The following EFNA5 variants were observed in gnomAD, a reference collection of about 807,000 sequenced individuals.
EFNA5 encodes ephrin A5, also known as ephrin-A5.
Under a neutral mutation model 22.9 loss-of-function variants are expected in EFNA5, and 5 were observed. That is an observed-to-expected ratio of 0.22 (90% CI 0.11 to 0.46). The LOEUF is 0.46. Ranked by LOEUF, EFNA5 falls within the 20% of genes least tolerant of loss-of-function variation. EFNA5 has a pLI of 0.99. For synonymous variants in EFNA5, 113 were observed against 112.2 expected (o/e 1.01, Z -0.04); for missense variants, 237 against 293.3 (o/e 0.81, Z 1.40).
rs1003979006 is a variant in EFNA5, at chr5:107,379,601, T to C, written c.*1654A>G. 6.0e-5 allele frequency: 9 copies of C among 150,984 alleles called. No individual in the cohort carries two copies. The highest frequency in any genetic ancestry group is 2.6e-4 in the Admixed American group (4 of 15,188). 9.4% of individuals were successfully genotyped at this position (150,984 alleles called of 1,614,324 possible). A position where few individuals can be genotyped will look rare whatever the true frequency, so the allele number is the denominator to read the frequency against. ...TGCTTTTCAATTGGTCTAACACTTT[T>C]CCTTGTCTAGGCTTTGGATTTTAAA... On this transcript the variant is annotated 3_prime_UTR_variant, in exon 5 of 5. Transcript: ENST00000333274.
chr5:107,649,049 C>A (rs1462900852), intron 1 of EFNA5, among the ~76,000 whole-genome samples: 2 of 152,116 alleles, frequency 1.3e-5, no homozygotes, highest in African/African-American at 2.4e-5. Flanking sequence ...GATGAGGAAA[C>A]ACGACTTGAC....
chr5:107,421,854 C>T (rs1370415029), intron 2 of EFNA5, among the ~76,000 whole-genome samples: 1 of 151,006 alleles, frequency 6.6e-6, no homozygotes, highest in East Asian at 1.9e-4. Flanking sequence ...TGCAATGGAG[C>T]GATCCCAGCT....
intron 1 of EFNA5, among the ~76,000 whole-genome samples, chr5:107,466,562 C>T (rs754728308): frequency 2.4e-4 from 36 of 152,206 alleles, no homozygotes; most frequent in Admixed American, 6.5e-4. Flanking sequence ...AGCTGTGCGG[C>T]ATGAGGAATG....
intron 1 of EFNA5, among the ~76,000 whole-genome samples, chr5:107,527,782 A>G (rs1390609596): frequency 6.6e-6 from 1 of 152,176 alleles, no homozygotes; most frequent in Non-Finnish European, 1.5e-5. Flanking sequence ...ATAACCTCAT[A>G]TAACAGATAG....
At chr5:107,637,157 A>G (rs1750389347) in intron 1 of EFNA5, among the ~76,000 whole-genome samples, 1 of 152,224 alleles carries the variant, frequency 6.6e-6, no homozygotes, top group African/African-American at 2.4e-5. Flanking sequence ...TGAGTTCATT[A>G]TTGGTCACTT....
chr5:107,622,313 C>T (rs1275317915), intron 1 of EFNA5, among the ~76,000 whole-genome samples: 2 of 152,292 alleles, frequency 1.3e-5, no homozygotes, highest in African/African-American at 4.8e-5. Context: ...CACAGAATCA[C>T]CCACGAAGCT....
intron 1 of EFNA5, among the ~76,000 whole-genome samples, chr5:107,504,408 A>C (rs1747207075): frequency 1.3e-5 from 2 of 152,216 alleles, no homozygotes; most frequent in South Asian, 4.1e-4. Flanking sequence ...TATATAAAAA[A>C]GAACTAGATG....
chr5:107,428,854 C>T (rs751276579), intron 1 of EFNA5, among the ~76,000 whole-genome samples: 2 of 152,218 alleles, frequency 1.3e-5, no homozygotes, highest in African/African-American at 2.4e-5. Context: ...AGTGATCCTA[C>T]TTCTGCTGCC....
intron 1 of EFNA5, among the ~76,000 whole-genome samples, chr5:107,627,124 TC>T (rs1440988833): frequency 1.3e-5 from 2 of 152,246 alleles, no homozygotes; most frequent in Non-Finnish European, 2.9e-5. Context: ...GTGATTTATT[TC>T]CATTTTGAAT....
At chr5:107,424,404 G>A (rs1748755627) in intron 2 of EFNA5, among the ~76,000 whole-genome samples, 1 of 148,252 alleles carries the variant, frequency 6.7e-6, no homozygotes, top group South Asian at 2.1e-4. Context: ...TTTTAGTAGC[G>A]ATGGGGTTTC....
At chr5:107,466,752 G>A (rs542118244) in intron 1 of EFNA5, among the ~76,000 whole-genome samples, 2 of 152,270 alleles carry the variant, frequency 1.3e-5, no homozygotes, top group Non-Finnish European at 2.9e-5. Flanking sequence ...TGGTAGGTGA[G>A]ATGCACAAAG....
chr5:107,442,948 A>C (rs1478544658), intron 1 of EFNA5, among the ~76,000 whole-genome samples: 3 of 151,772 alleles, frequency 2.0e-5, no homozygotes, highest in South Asian at 4.2e-4. Flanking sequence ...AAAAAAAAAA[A>C]AAAAACCCTG....
chr5:107,498,103 A>T (rs1032329262), intron 1 of EFNA5, among the ~76,000 whole-genome samples: 1 of 152,042 alleles, frequency 6.6e-6, no homozygotes, highest in Non-Finnish European at 1.5e-5. Context: ...TTTAGTAGAG[A>T]CGGGGTTTCA....
At chr5:107,546,674 ACACACACACACACT>A (rs1439181504) in intron 1 of EFNA5, among the ~76,000 whole-genome samples, 3 of 123,656 alleles carry the variant, frequency 2.4e-5, no homozygotes, top group Non-Finnish European at 5.2e-5. Flanking sequence ...ACACACACAC[ACACACACACACACT>A]CTCACCCCTG....
intron 2 of EFNA5, among the ~76,000 whole-genome samples, chr5:107,423,524 G>T (rs1748726528): frequency 6.6e-6 from 1 of 151,700 alleles, no homozygotes; most frequent in Non-Finnish European, 1.5e-5. Flanking sequence ...CTACAGGCAT[G>T]TGCTACCATA....
intron 1 of EFNA5, among the ~76,000 whole-genome samples, chr5:107,573,232 G>A (rs374709778): frequency 2.3e-4 from 35 of 152,186 alleles, no homozygotes; most frequent in Middle Eastern, 3.4e-3. Flanking sequence ...GACAGAGAAG[G>A]CAAGGCATCT....
chr5:107,383,895 C>T (rs1175435321), intron 4 of EFNA5, among the ~76,000 whole-genome samples: 1 of 152,168 alleles, frequency 6.6e-6, no homozygotes, highest in Admixed American at 6.5e-5. Flanking sequence ...TAACCATACA[C>T]AATCTTTGGA....
chr5:107,535,567 C>T (rs982490446), intron 1 of EFNA5, among the ~76,000 whole-genome samples: 5 of 151,874 alleles, frequency 3.3e-5, no homozygotes, highest in Non-Finnish European at 5.9e-5. Context: ...TATTATATGA[C>T]ATTATTTTTA....
intron 1 of EFNA5, among the ~76,000 whole-genome samples, chr5:107,538,597 G>C (rs1392172419): frequency 6.6e-6 from 1 of 152,166 alleles, no homozygotes; most frequent in Non-Finnish European, 1.5e-5. Context: ...AGCTGACAAG[G>C]GGGGATGAGT....
Sources: allele counts gnomAD v4.1 joint callset (sites outside exome capture counted in the v4.1 genomes callset), GRCh38; gene constraint gnomAD v4.1.1; transcripts MANE v1.5; gene names NCBI Gene and HGNC (gene_info 2026-07-23, HGNC 2026-07-21).